Variants in SLC4A4 observed in about 807,000 individuals in gnomAD.
SLC4A4 encodes electrogenic sodium bicarbonate cotransporter 1.
A neutral mutation model predicts 111.5 loss-of-function variants in SLC4A4; 27 were observed. The ratio of observed to expected loss-of-function variants is 0.24; its 90% CI spans 0.18 to 0.33. The LOEUF (loss-of-function observed/expected upper bound fraction) is 0.33, where lower values mean the gene tolerates loss of function less well. SLC4A4 is among the 10% of genes least tolerant of loss of function. SLC4A4 has a pLI of 1.00. For missense variants in SLC4A4, 909 were observed against 1,315.5 expected, an observed-to-expected ratio of 0.69 and a Z score of 4.78; for synonymous variants, 443 against 463.4, an observed-to-expected ratio of 0.96 and a Z score of 0.57.
intron 1 of SLC4A4, among the ~76,000 whole-genome samples, chr4:71,193,164 G>A (rs1406728715): frequency 1.3e-5 from 2 of 152,086 alleles, no homozygotes; most frequent in East Asian, 3.9e-4. Flanking sequence ...GCATTCTTAC[G>A]TATGTCTTTT....
At chr4:71,458,038 C>A (rs921730595) in intron 12 of SLC4A4, among the ~76,000 whole-genome samples, 7 of 151,830 alleles carry the variant, frequency 4.6e-5, no homozygotes, top group Middle Eastern at 3.4e-3. Flanking sequence ...TTTTGATCTG[C>A]AGTTGGTTGA....
intron 20 of SLC4A4, among the ~76,000 whole-genome samples, chr4:71,550,614 G>C (rs1735904338): frequency 1.3e-5 from 2 of 151,842 alleles, no homozygotes; most frequent in African/African-American, 4.8e-5. Flanking sequence ...TTTTACTTAA[G>C]AGTCTGTCTT....
At chr4:71,091,132 G>C (rs1742375334) in intron 1 of SLC4A4, among the ~76,000 whole-genome samples, 1 of 152,088 alleles carries the variant, frequency 6.6e-6, no homozygotes, top group African/African-American at 2.4e-5. Flanking sequence ...ATTTTTAGTA[G>C]AGATGAGGTT....
intron 2 of SLC4A4, among the ~76,000 whole-genome samples, chr4:71,134,250 G>A (rs1346858554): frequency 6.6e-6 from 1 of 152,210 alleles, no homozygotes; most frequent in African/African-American, 2.4e-5. Context: ...CAGGCTGCTT[G>A]AAGCTATACT....
intron 16 of SLC4A4, among the ~76,000 whole-genome samples, chr4:71,520,314 T>A (rs1409730882): frequency 1.3e-5 from 2 of 151,232 alleles, no homozygotes; most frequent in African/African-American, 4.9e-5. Context: ...TATGAGTTGT[T>A]AAGACTTTAA....
At chr4:71,330,404 G>T (rs994155687) in intron 3 of SLC4A4, among the ~76,000 whole-genome samples, 1 of 152,076 alleles carries the variant, frequency 6.6e-6, no homozygotes, top group Non-Finnish European at 1.5e-5. Flanking sequence ...CAATGGAACA[G>T]AACAGAGCCC....
intron 3 of SLC4A4, among the ~76,000 whole-genome samples, chr4:71,313,986 T>G (rs1380596152): frequency 6.6e-6 from 1 of 152,120 alleles, no homozygotes; most frequent in African/African-American, 2.4e-5. Context: ...ACAGGCATCC[T>G]ACAGAATGGG....
At chr4:71,096,375 T>C (rs902372778) in intron 2 of SLC4A4, among the ~76,000 whole-genome samples, 9 of 152,072 alleles carry the variant, frequency 5.9e-5, no homozygotes, top group East Asian at 1.9e-4. Context: ...AACACTGACA[T>C]TTAGTTGACA....
intron 7 of SLC4A4, among the ~76,000 whole-genome samples, chr4:71,400,135 T>C (rs1720225387): frequency 6.6e-6 from 1 of 152,200 alleles, no homozygotes; most frequent in Admixed American, 6.5e-5. Context: ...ATGGAGTTCT[T>C]GAGGAAGCCT....
intron 3 of SLC4A4, among the ~76,000 whole-genome samples, chr4:71,280,009 G>GA (rs1723385384): frequency 6.6e-6 from 1 of 152,132 alleles, no homozygotes; most frequent in African/African-American, 2.4e-5. Context: ...TGGGCAGGCT[G>GA]TCTTGAACCC....
At chr4:71,508,764 A>G (rs1217477929) in intron 16 of SLC4A4, among the ~76,000 whole-genome samples, 1 of 152,164 alleles carries the variant, frequency 6.6e-6, no homozygotes, top group Non-Finnish European at 1.5e-5. Context: ...GTATGAGTCC[A>G]GCTTCATTCT....
intron 2 of SLC4A4, among the ~76,000 whole-genome samples, chr4:71,128,143 G>A (rs529123189): frequency 6.6e-6 from 1 of 152,332 alleles, no homozygotes; most frequent in Admixed American, 6.5e-5. Flanking sequence ...ACAAAAGAAA[G>A]AGGTTTAATC....
At chr4:71,365,344 G>A (rs1178025064) in intron 6 of SLC4A4, among the ~76,000 whole-genome samples, 4 of 152,094 alleles carry the variant, frequency 2.6e-5, no homozygotes, top group Non-Finnish European at 2.9e-5. Context: ...CCTTAATAGA[G>A]CCACGCTTGC....
chr4:71,234,099 C>G (rs894691763), intron 1 of SLC4A4, among the ~76,000 whole-genome samples: 1 of 152,216 alleles, frequency 6.6e-6, no homozygotes, highest in Admixed American at 6.5e-5. Flanking sequence ...CAAATATTCA[C>G]AGTACTGATT....
At chr4:71,281,117 C>G (rs1560843157) in intron 3 of SLC4A4, among the ~76,000 whole-genome samples, 1 of 152,102 alleles carries the variant, frequency 6.6e-6, no homozygotes, top group Non-Finnish European at 1.5e-5. Context: ...CTCTCTCACC[C>G]CAAATTTTGT....
intron 14 of SLC4A4, chr4:71,473,190 A>G: frequency 1.5e-6 from 1 of 672,620 alleles, no homozygotes; most frequent in South Asian, 1.6e-5. Flanking sequence ...ATGTGAACAT[A>G]ACCAACTCAA....
chr4:71,139,006 A>C (rs996335119), intron 2 of SLC4A4, among the ~76,000 whole-genome samples: 1 of 140,342 alleles, frequency 7.1e-6, no homozygotes, highest in African/African-American at 2.8e-5. Context: ...ACTGCACTCC[A>C]GCCTGGGCGA....
At chr4:71,299,041 G>C (rs1301401614) in intron 3 of SLC4A4, among the ~76,000 whole-genome samples, 1 of 152,076 alleles carries the variant, frequency 6.6e-6, no homozygotes, top group African/African-American at 2.4e-5. Flanking sequence ...ACACATCTAG[G>C]TGTTCATAAT....
At chr4:71,323,871 C>G (rs1727304314) in intron 3 of SLC4A4, among the ~76,000 whole-genome samples, 1 of 144,560 alleles carries the variant, frequency 6.9e-6, no homozygotes, top group Admixed American at 6.7e-5. Flanking sequence ...TTTGGCATCC[C>G]CAAACTACTG....
Sources: gnomAD v4.1 joint callset for allele counts (sites outside exome capture counted in the v4.1 genomes callset) on GRCh38, gnomAD v4.1.1 for gene constraint, MANE v1.5 for transcripts, NCBI Gene and HGNC (gene_info 2026-07-23, HGNC 2026-07-21) for gene names.